MED13L: variants seen among roughly 807,000 people sequenced by gnomAD.
MED13L encodes mediator complex subunit 13L.
In MED13L, 7 loss-of-function variants were observed where a neutral mutation model predicts 220.9. The ratio of observed to expected loss-of-function variants is 0.03; its 90% CI spans 0.02 to 0.06. MED13L has a LOEUF of 0.06. MED13L is among the 10% of genes least tolerant of loss of function. MED13L has a pLI of 1.00. For synonymous variants in MED13L, 1,011 were observed against 1,015.2 expected, an observed-to-expected ratio of 1.00 and a Z score of 0.08; for missense variants, 1,965 against 2,760.5, an observed-to-expected ratio of 0.71 and a Z score of 6.46.
chr12:116,227,253 C>A (rs1869097569), intron 2 of MED13L, among the ~76,000 whole-genome samples: 1 of 152,172 alleles, frequency 6.6e-6, no homozygotes, highest in African/African-American at 2.4e-5. Flanking sequence ...GCTATGACAA[C>A]AGATCTCTAC....
Position 116,277,165 on chromosome 12 carries a change from A to G in MED13L, c.-34T>C. ...GCGAGCCCGGCCGCCAGAGCGGGGC[A>G]TGTCGGAGCGAGGCGTCCGAGGCGA... On this transcript the variant is annotated 5_prime_UTR_variant, in exon 1 of 31. An upstream start codon of the reference 5' UTR is lost. Transcript: ENST00000281928. 6.6e-7 allele frequency: 1 copy of G among 1,519,156 alleles called. No homozygotes were observed. The highest frequency in any genetic ancestry group is 8.9e-7 in the Non-Finnish European group (1 of 1,129,196). 94.1% of individuals were successfully genotyped at this position (1,519,156 alleles called of 1,614,324 possible).
intron 2 of MED13L, among the ~76,000 whole-genome samples, chr12:116,203,902 A>G (rs1363147469): frequency 1.3e-5 from 2 of 152,224 alleles, no homozygotes; most frequent in Non-Finnish European, 2.9e-5. Context: ...AGTTAACTAT[A>G]TGCTTAGTTA....
intron 4 of MED13L, among the ~76,000 whole-genome samples, chr12:116,074,434 A>C (rs1870622917): frequency 6.6e-6 from 1 of 152,214 alleles, no homozygotes; most frequent in Admixed American, 6.5e-5. Flanking sequence ...TTTGACATTT[A>C]AAATACGCCC....
chr12:116,210,590 T>A (rs895200570), intron 2 of MED13L, among the ~76,000 whole-genome samples: 7 of 145,298 alleles, frequency 4.8e-5, no homozygotes, highest in African/African-American at 1.5e-4. Flanking sequence ...TATATTTCTA[T>A]AGTGGTATCA....
intron 1 of MED13L, among the ~76,000 whole-genome samples, chr12:116,252,362 A>C (rs1370388543): frequency 2.0e-5 from 3 of 152,064 alleles, no homozygotes; most frequent in Non-Finnish European, 1.5e-5. Flanking sequence ...GCAACATGAC[A>C]AAACTTTGTC....
chr12:115,967,762 C>A (rs1026131078), intron 28 of MED13L, among the ~76,000 whole-genome samples: 1 of 152,140 alleles, frequency 6.6e-6, no homozygotes, highest in African/African-American at 2.4e-5. Flanking sequence ...ATGCTACTTG[C>A]CTCCAGAATT....
At position 116,061,399 on chromosome 12, in the gene MED13L, T is replaced by C. The variant is rs368753651; in HGVS notation, c.479+35270A>G. Among the ~76,000 whole-genome samples the C allele has an allele frequency of 3.9e-5, 6 of 152,208 alleles. No individual in the cohort carries two copies. In the East Asian group the frequency reaches 7.7e-4, roughly 20 times the overall value. ...TAGGAAAGGCAATGTCAGAGGGTTA[T>C]ACAATTAGGCAGAACTGAGTTTACA... On this transcript the variant is annotated intron_variant, in intron 4 of 30. Transcript: ENST00000281928.
chr12:116,196,003 C>T (rs981075150), intron 2 of MED13L, among the ~76,000 whole-genome samples: 3 of 151,744 alleles, frequency 2.0e-5, no homozygotes, highest in Admixed American at 1.3e-4. Context: ...TAGAAAGTTG[C>T]AGAGGCAAAG....
At chr12:116,176,680 A>G (rs964949488) in intron 2 of MED13L, among the ~76,000 whole-genome samples, 3 of 152,106 alleles carry the variant, frequency 2.0e-5, no homozygotes, top group Non-Finnish European at 4.4e-5. Flanking sequence ...TTAAGGAGCA[A>G]AGGCAAAGAA....
intron 4 of MED13L, among the ~76,000 whole-genome samples, chr12:116,079,443 C>T (rs1871069298): frequency 6.6e-6 from 1 of 152,266 alleles, no homozygotes; most frequent in East Asian, 1.9e-4. Flanking sequence ...TCAGGCTGGT[C>T]TCGAACTCCT....
intron 4 of MED13L, among the ~76,000 whole-genome samples, chr12:116,040,905 T>C (rs901155752): frequency 2.0e-5 from 3 of 152,084 alleles, no homozygotes; most frequent in African/African-American, 4.8e-5. Flanking sequence ...GACCTAGATG[T>C]AGACAATCTA....
intron 2 of MED13L, among the ~76,000 whole-genome samples, chr12:116,223,564 CATGG>C (rs1237157116): frequency 6.6e-6 from 1 of 152,002 alleles, no homozygotes; most frequent in Non-Finnish European, 1.5e-5. Context: ...ATTAGCCGAG[CATGG>C]TGGTACGTGC....
chr12:116,077,758 T>G (rs901926283), intron 4 of MED13L, among the ~76,000 whole-genome samples: 2 of 152,240 alleles, frequency 1.3e-5, no homozygotes, highest in African/African-American at 4.8e-5. Context: ...CTAAATTTTG[T>G]ACCATATACA....
chr12:116,144,233 T>C (rs573252082), intron 2 of MED13L, among the ~76,000 whole-genome samples: 3 of 152,308 alleles, frequency 2.0e-5, no homozygotes, highest in Non-Finnish European at 2.9e-5. Flanking sequence ...CATTACTAAA[T>C]GAAACTCAGC....
intron 9 of MED13L, among the ~76,000 whole-genome samples, chr12:116,012,183 C>T (rs1316166517): frequency 6.6e-6 from 1 of 151,992 alleles, no homozygotes; most frequent in Admixed American, 6.5e-5. Context: ...ATTTAAGAAC[C>T]CTAATGAAAA....
At chr12:115,974,342 G>C (rs373008927) in intron 25 of MED13L, among the ~76,000 whole-genome samples, 1 of 152,138 alleles carries the variant, frequency 6.6e-6, no homozygotes, top group Non-Finnish European at 1.5e-5. Flanking sequence ...TCTTTCTTTT[G>C]TGCAGATCTT....
intron 4 of MED13L, among the ~76,000 whole-genome samples, chr12:116,073,877 G>C (rs898552384): frequency 6.6e-6 from 1 of 152,132 alleles, no homozygotes; most frequent in Non-Finnish European, 1.5e-5. Flanking sequence ...CCCTAATGAT[G>C]GATCTGAATG....
chr12:115,996,564 A>G lies in MED13L; in HGVS notation c.2908T>C (p.Cys970Arg), dbSNP rs771745124. Residue 970 changes from cysteine to arginine, a missense_variant, in exon 16 of 31, where the codon TGT (cysteine) becomes CGT (arginine). Cys to Arg is a radical substitution (Grantham distance 180). Around this residue, in one of 10 missense-constraint regions of MED13L, gnomAD observed 233 missense variants for 306.2 expected, o/e 0.76. Coordinates refer to ENST00000281928, the MANE Select transcript of MED13L (RefSeq NM_015335.5). ...CLLPLKIPDA[C>R]LFRPSWAIPP... ...ATTGCCCATGAAGGCCGAAACAGACAGGCATCAGGTATCTTCAGAGGTAGC... is the reference window on the plus strand; with the variant it reads ...ATTGCCCATGAAGGCCGAAACAGACGGGCATCAGGTATCTTCAGAGGTAGC... 6.2e-7 allele frequency: 1 copy of G among 1,614,216 alleles called. No homozygotes were observed. The highest frequency in any genetic ancestry group is 2.2e-5 in the East Asian group (1 of 44,884).
chr12:116,043,457 GA>G (rs1881654861), intron 4 of MED13L, among the ~76,000 whole-genome samples: 1 of 152,110 alleles, frequency 6.6e-6, no homozygotes, highest in African/African-American at 2.4e-5. Context: ...GTCTTTGGGG[GA>G]AAGAGCACAG....
Sources: allele counts gnomAD v4.1 joint callset (sites outside exome capture counted in the v4.1 genomes callset), GRCh38; gene constraint gnomAD v4.1.1; regional missense constraint gnomAD v4.1.1; transcripts MANE v1.5; gene names NCBI Gene and HGNC (gene_info 2026-07-23, HGNC 2026-07-21).